The following KCNMB3 variants were observed in gnomAD, a reference collection of about 807,000 sequenced individuals.
KCNMB3 encodes the protein calcium-activated potassium channel subunit beta-3.
A neutral mutation model predicts 11.9 loss-of-function variants in KCNMB3; 18 were observed. The ratio of observed to expected loss-of-function variants is 1.51; its 90% CI spans 1.04 to 2.23. The LOEUF is 2.23. Ranked by LOEUF, KCNMB3 falls within the 30% of genes most tolerant of loss-of-function variation. The pLI is 0.00. For synonymous variants in KCNMB3, 78 were observed against 119.2 expected, an observed-to-expected ratio of 0.65 and a Z score of 2.25; for missense variants, 247 against 329.4, an observed-to-expected ratio of 0.75 and a Z score of 1.94.
rs752338251 is a variant in KCNMB3, at chr3:179,244,656, T to C, written c.286A>G (p.Thr96Ala). 53 of 1,613,898 alleles carry C rather than the reference T, an allele frequency of 3.3e-5. No homozygotes were observed. In the South Asian group the frequency reaches 5.6e-4, roughly 17 times the overall value. ...REESTCTAIHTDIMDDWLDCA... is the reference protein window; with the variant it reads ...REESTCTAIHADIMDDWLDCA... The stretch of plus-strand genomic sequence containing the variant: ...TCCAGCCAGTCGTCCATGATATCTG[T>C]GTGGATGGCAGTGCAGGTCGATTCT... The change falls in exon 2 of 3, where the codon ACA (threonine) becomes GCA (alanine). Residue 96 changes from threonine (T) to alanine (A), a missense_variant. Around this residue, in one of 2 missense-constraint regions of KCNMB3, gnomAD observed 160 missense variants for 157.5 expected, o/e 1.02. Coordinates refer to ENST00000392685, the MANE Select transcript of KCNMB3 (RefSeq NM_171830.2).
upstream of KCNMB3, among the ~76,000 whole-genome samples, chr3:179,252,899 T>C (rs1156548420): frequency 6.6e-6 from 1 of 151,816 alleles, no homozygotes; most frequent in Admixed American, 6.6e-5. Context: ...GCCCGGCTAA[T>C]TTTTGTATTT....
chr3:179,259,917 C>A (rs528697677), intron 1 of KCNMB3: 2 of 1,613,448 alleles, frequency 1.2e-6, no homozygotes, highest in East Asian at 2.2e-5. Flanking sequence ...TTTCTCATCC[C>A]TTAATCCTTT....
intron 1 of KCNMB3, chr3:179,260,622 A>T: frequency 7.2e-7 from 1 of 1,381,670 alleles, no homozygotes; most frequent in Non-Finnish European, 1.0e-6. Context: ...GGATCTTGGT[A>T]TCAAACATTA....
chr3:179,247,800 G>A (rs1288368626), intron 1 of KCNMB3, among the ~76,000 whole-genome samples: 1 of 152,072 alleles, frequency 6.6e-6, no homozygotes, highest in Non-Finnish European at 1.5e-5. Context: ...CCTAACAATG[G>A]TAACCTAGGA....
At chr3:179,257,827 C>T (rs1726063007) in intron 1 of KCNMB3, among the ~76,000 whole-genome samples, 1 of 152,112 alleles carries the variant, frequency 6.6e-6, no homozygotes, top group Admixed American at 6.5e-5. Context: ...ATCCTCCAAA[C>T]TTGGCTTCCC....
downstream of KCNMB3, chr3:179,241,046 G>A (rs1389264406): frequency 1.3e-5 from 2 of 152,160 alleles, no homozygotes; most frequent in Non-Finnish European, 2.9e-5. Context: ...AACTCAGGTA[G>A]GGGCATGGAA....
chr3:179,250,760 T>C lies in KCNMB3; in HGVS notation c.231A>G (p.Leu77=), dbSNP rs748360377. Residue 77 remains leucine (L), a synonymous_variant, in exon 1 of 3, where the codon CTA becomes CTG. Transcript: ENST00000392685. The part of the protein sequence containing the change: ...LMFFLLGTTI[L]KPFMLSIQRE... ...TTTCTTACCTGAGCATAAAAGGCTT[T>C]AGAATGGTTGTTCCGAGCAAGAAGA... The C allele has an allele frequency of 4.3e-6, 7 of 1,614,218 alleles. No individual in the cohort carries two copies. In the Admixed American group the frequency reaches 1.2e-4, roughly 27 times the overall value.
Position 179,250,744 on chromosome 3 carries a change from T to C in KCNMB3, c.247A>G (p.Ser83Gly). 1 of 1,614,208 alleles carries C rather than the reference T, an allele frequency of 6.2e-7. No homozygotes were observed. The highest frequency in any genetic ancestry group is 8.5e-7 in the Non-Finnish European group (1 of 1,180,030). The change falls in exon 1 of 3, where the codon AGC (serine) becomes GGC (glycine). Residue 83 changes from serine (S) to glycine (G), a missense_variant and splice_region_variant. This residue lies in a region of KCNMB3 where 160 missense variants were observed against 157.5 expected (regional missense o/e 1.02). Coordinates refer to ENST00000392685, the MANE Select transcript of KCNMB3 (RefSeq NM_171830.2). ...GTTILKPFML[S>G]IQREESTCTA... ...AGATTTCCTTCCTCTGTTTCTTACCTGAGCATAAAAGGCTTTAGAATGGTT... is the reference window on the plus strand; with the variant it reads ...AGATTTCCTTCCTCTGTTTCTTACCCGAGCATAAAAGGCTTTAGAATGGTT...
chr3:179,259,234 T>A, intron 1 of KCNMB3: 2 of 1,537,542 alleles, frequency 1.3e-6, no homozygotes, highest in Non-Finnish European at 1.7e-6. Flanking sequence ...GCATCACTAA[T>A]GTCCTGTGAG....
chr3:179,262,580 C>G (rs1726254636), intron 1 of KCNMB3, among the ~76,000 whole-genome samples: 1 of 152,230 alleles, frequency 6.6e-6, no homozygotes, highest in South Asian at 2.1e-4. Context: ...CCACTGCTGG[C>G]TGGGGCAGCC....
chr3:179,260,869 T>G, intron 1 of KCNMB3: 1 of 1,167,876 alleles, frequency 8.6e-7, no homozygotes, highest in Non-Finnish European at 1.3e-6. Context: ...GGGTGTCAAC[T>G]TGGTAAATGA....
chr3:179,256,868 G>C lies in KCNMB3; in HGVS notation c.63-5934C>G, dbSNP rs150757828. 2.0e-3 allele frequency among the ~76,000 whole-genome samples: 307 copies of C among 152,284 alleles called. 3 individuals carry two copies. Among genetic ancestry groups the C allele is most frequent in the African/African-American group, 6.8e-3 (284 of 41,568 alleles). ...AATGGAGTAAATGATCCAGTTAAAAGATAGAGAGTAGGGCAGGCTGTGGTG... is the reference window on the plus strand; with the variant it reads ...AATGGAGTAAATGATCCAGTTAAAACATAGAGAGTAGGGCAGGCTGTGGTG... On this transcript the variant is annotated intron_variant, in intron 1 of 3. Transcript: ENST00000349697.
chr3:179,262,402 G>C (rs556454773), intron 1 of KCNMB3, among the ~76,000 whole-genome samples: 1 of 152,138 alleles, frequency 6.6e-6, no homozygotes, highest in East Asian at 1.9e-4. Context: ...CATTCCTCCC[G>C]ATGGGTTCGT....
At chr3:179,258,061 T>C (rs1193947197) in intron 1 of KCNMB3, among the ~76,000 whole-genome samples, 2 of 152,046 alleles carry the variant, frequency 1.3e-5, no homozygotes, top group Non-Finnish European at 2.9e-5. Context: ...ATTTTTTGTA[T>C]TTTTCGTAGA....
upstream of KCNMB3, chr3:179,267,023 C>G: frequency 1.2e-6 from 1 of 841,612 alleles, no homozygotes; most frequent in African/African-American, 1.8e-5. Context: ...ACCTCATCAC[C>G]TGTGTTTCCG....
At chr3:179,250,697 T>C in intron 1 of KCNMB3, 46 bp downstream of exon 1, 1 of 1,594,484 alleles carries the variant, frequency 6.3e-7, no homozygotes, top group South Asian at 1.1e-5. Context: ...TGTGCCTGGA[T>C]CTTATCTGAA....
chr3:179,260,703 T>C, intron 1 of KCNMB3: 2 of 1,408,080 alleles, frequency 1.4e-6, no homozygotes, highest in Admixed American at 1.7e-5. Context: ...TTCTCGAGCA[T>C]TTCCTCTGTT....
chr3:179,245,602 C>T (rs1182034550), intron 1 of KCNMB3, among the ~76,000 whole-genome samples: 5 of 151,970 alleles, frequency 3.3e-5, no homozygotes, highest in South Asian at 2.1e-4. Flanking sequence ...TGGTTTCAAG[C>T]GATTCGCCTG....
intron 1 of KCNMB3, among the ~76,000 whole-genome samples, chr3:179,247,696 T>G (rs1725692045): frequency 6.6e-6 from 1 of 152,102 alleles, no homozygotes; most frequent in Admixed American, 6.5e-5. Flanking sequence ...CAGCACAGCT[T>G]CTCCTGGTGC....
Sources: gnomAD v4.1 joint callset for allele counts (sites outside exome capture counted in the v4.1 genomes callset) on GRCh38, gnomAD v4.1.1 for gene constraint, gnomAD v4.1.1 regional missense constraint, MANE v1.5 for transcripts, NCBI Gene and HGNC (gene_info 2026-07-23, HGNC 2026-07-21) for gene names.